Variants in GALNT18 observed in about 807,000 individuals in gnomAD.
The protein encoded by GALNT18 is polypeptide N-acetylgalactosaminyltransferase 18.
A neutral mutation model predicts 69.5 loss-of-function variants in GALNT18; 44 were observed. The ratio of observed to expected loss-of-function variants is 0.63; its 90% CI spans 0.50 to 0.81. GALNT18 has a LOEUF of 0.81. Among genes scored for constraint, GALNT18 ranks in the 40% least tolerant of loss-of-function variants. The pLI is 0.00. For synonymous variants in GALNT18, 364 were observed against 318.2 expected, an observed-to-expected ratio of 1.14 and a Z score of -1.53; for missense variants, 715 against 810.0, an observed-to-expected ratio of 0.88 and a Z score of 1.42.
chr11:11,451,032 A>G (rs138915840), intron 1 of GALNT18, among the ~76,000 whole-genome samples: 1 of 152,326 alleles, frequency 6.6e-6, no homozygotes, highest in East Asian at 1.9e-4. Context: ...TAAAGACATA[A>G]AAGCAAAGTC....
rs1246987535 is a variant in GALNT18 at position 11,583,965 on chromosome 11, C to T, written c.235+37394G>A. The stretch of plus-strand genomic sequence containing the variant: ...CACAAGATGAAAGCACAAGGTCACA[C>T]TCAATGAAATAGAGATGAACTGAAT... On this transcript the variant is annotated intron_variant, in intron 1 of 10. Coordinates refer to ENST00000227756, the MANE Select transcript of GALNT18 (RefSeq NM_198516.3). This position sits in a 1 kb window ranked among gnomAD's most constrained non-coding sequence, Gnocchi z 4.7. 2.0e-5 allele frequency among the ~76,000 whole-genome samples: 3 copies of T among 152,060 alleles called. No individual in the cohort carries two copies. The highest frequency in any genetic ancestry group is 7.2e-5 in the African/African-American group (3 of 41,414).
intron 1 of GALNT18, among the ~76,000 whole-genome samples, chr11:11,557,269 TG>T (rs1858354218): frequency 6.6e-6 from 1 of 152,164 alleles, no homozygotes; most frequent in African/African-American, 2.4e-5. Flanking sequence ...ATGGTTATGG[TG>T]GGTTTTTTAT....
At chr11:11,346,269 T>C (rs1850302034) in intron 6 of GALNT18, among the ~76,000 whole-genome samples, 1 of 152,210 alleles carries the variant, frequency 6.6e-6, no homozygotes, top group Non-Finnish European at 1.5e-5. Context: ...TACCACTGTA[T>C]ACATCAGCAC....
chr11:11,541,862 C>T lies in GALNT18; in HGVS notation c.235+79497G>A, dbSNP rs532566811. On this transcript the variant is annotated intron_variant, in intron 1 of 10. Coordinates refer to ENST00000227756, the MANE Select transcript of GALNT18 (RefSeq NM_198516.3). The surrounding 1 kb of genome is among the most constrained non-coding windows in gnomAD (Gnocchi z 4.8). Reference sequence around the variant, plus strand: ...CCGAAGAGTGAGCAGGTTGCTTTCCCTCAGCCTGGCCACCCTTCCAGAGAG... The same window carrying T: ...CCGAAGAGTGAGCAGGTTGCTTTCCTTCAGCCTGGCCACCCTTCCAGAGAG... 2.6e-5 allele frequency among the ~76,000 whole-genome samples: 4 copies of T among 152,332 alleles called. No homozygotes were observed. The East Asian group carries it at 7.7e-4, about 29-fold the overall frequency.
chr11:11,298,677 G>C (rs560854053), intron 9 of GALNT18, among the ~76,000 whole-genome samples: 3 of 152,366 alleles, frequency 2.0e-5, no homozygotes, highest in African/African-American at 7.2e-5. Flanking sequence ...CCAAGAAGGG[G>C]TCTCAGGGGC....
At chr11:11,310,506 G>A (rs945791790) in intron 9 of GALNT18, among the ~76,000 whole-genome samples, 1 of 152,156 alleles carries the variant, frequency 6.6e-6, no homozygotes, top group Admixed American at 6.5e-5. Flanking sequence ...CAAGAAGCAA[G>A]ACCAGCAAGT....
At chr11:11,460,929 A>G (rs528056255) in intron 1 of GALNT18, among the ~76,000 whole-genome samples, 9 of 152,222 alleles carry the variant, frequency 5.9e-5, no homozygotes, top group African/African-American at 2.2e-4. Context: ...TAGCAATGCA[A>G]AACAGATTAA....
Position 11,436,716 on chromosome 11 carries a change from G to A in GALNT18, c.429-3929C>T, listed in dbSNP as rs576873113. On this transcript the variant is annotated intron_variant, in intron 2 of 10. Transcript: ENST00000227756. This position sits in a 1 kb window ranked among gnomAD's most constrained non-coding sequence, Gnocchi z 4.5. The stretch of plus-strand genomic sequence containing the variant: ...GAAGGGCAGGGGCAAAAAGAGGGAA[G>A]AAGAGCATATCAAGCAAGACATCTA... Among the ~76,000 whole-genome samples the A allele has an allele frequency of 1.2e-4, 18 of 152,240 alleles. No individual in the cohort carries two copies. Among genetic ancestry groups the A allele is most frequent in the Non-Finnish European group, 2.1e-4 (14 of 68,038 alleles).
chr11:11,467,939 C>T (rs1043630256), intron 1 of GALNT18, among the ~76,000 whole-genome samples: 1 of 152,126 alleles, frequency 6.6e-6, no homozygotes, highest in African/African-American at 2.4e-5. Context: ...CCGAGATGTT[C>T]CATCCTAAGA....
At chr11:11,561,970 G>T (rs1858521412) in intron 1 of GALNT18, among the ~76,000 whole-genome samples, 1 of 152,242 alleles carries the variant, frequency 6.6e-6, no homozygotes, top group African/African-American at 2.4e-5. Flanking sequence ...GAAGGGACCT[G>T]CCCACTGTCA....
At chr11:11,424,990 T>G (rs958293193) in intron 3 of GALNT18, among the ~76,000 whole-genome samples, 1 of 152,142 alleles carries the variant, frequency 6.6e-6, no homozygotes. Context: ...TGTGGTCTTC[T>G]GTGGGAGTCA....
rs1042180399 is a variant in GALNT18, at chr11:11,347,329, A to G, written c.1093-6325T>C. 1.3e-5 allele frequency among the ~76,000 whole-genome samples: 2 copies of G among 152,356 alleles called. No individual in the cohort carries two copies. The highest frequency in any genetic ancestry group is 4.1e-4 in the South Asian group (2 of 4,824). On this transcript the variant is annotated intron_variant, in intron 6 of 10. Coordinates refer to ENST00000227756, the MANE Select transcript of GALNT18 (RefSeq NM_198516.3). This position sits in a 1 kb window ranked among gnomAD's most constrained non-coding sequence, Gnocchi z 4.0. Reference sequence around the variant, plus strand: ...ACAAAGCAATGGGATGTAGTTTGATAATCTCTTCTACTCCAAGACTCATGA... The same window carrying G: ...ACAAAGCAATGGGATGTAGTTTGATGATCTCTTCTACTCCAAGACTCATGA...
chr11:11,423,912 C>T (rs180900681), intron 3 of GALNT18, among the ~76,000 whole-genome samples: 4 of 152,368 alleles, frequency 2.6e-5, no homozygotes, highest in Admixed American at 2.6e-4. Flanking sequence ...TAAAATAGCT[C>T]TGGCACATAC....
chr11:11,347,063 C>T lies in GALNT18; in HGVS notation c.1093-6059G>A, dbSNP rs1850316967. On this transcript the variant is annotated intron_variant, in intron 6 of 10. Coordinates refer to ENST00000227756, the MANE Select transcript of GALNT18 (RefSeq NM_198516.3). The surrounding 1 kb of genome is among the most constrained non-coding windows in gnomAD (Gnocchi z 4.0). ...CACTTTCTTATCCCAGGCTGAGGAG[C>T]CACTGGTACAAGGTCAGGGTTACAT... Among the ~76,000 whole-genome samples the T allele has an allele frequency of 6.6e-6, 1 of 152,150 alleles. No homozygotes were observed. The highest frequency in any genetic ancestry group is 1.5e-5 in the Non-Finnish European group (1 of 68,030).
rs559622302 is a variant in GALNT18 at position 11,338,526 on chromosome 11, A to C, written c.1278+2293T>G. ...AGGATGATGTCATTTTCAAACTCAT[A>C]TGTCTGGAAGATGGTGGCACCATGA... On this transcript the variant is annotated intron_variant, in intron 7 of 10. Transcript: ENST00000227756. This position sits in a 1 kb window ranked among gnomAD's most constrained non-coding sequence, Gnocchi z 5.3. Among the ~76,000 whole-genome samples, 2 of 152,182 alleles carry C rather than the reference A, an allele frequency of 1.3e-5. No homozygotes were observed. The highest frequency in any genetic ancestry group is 4.1e-4 in the South Asian group (2 of 4,820).
At chr11:11,324,008 T>C (rs138421695) in intron 9 of GALNT18, among the ~76,000 whole-genome samples, 3 of 152,304 alleles carry the variant, frequency 2.0e-5, no homozygotes, top group Admixed American at 6.5e-5. Flanking sequence ...AGGATTAGCA[T>C]CCTTATAAGA....
intron 1 of GALNT18, among the ~76,000 whole-genome samples, chr11:11,527,851 A>G (rs1035459534): frequency 1.3e-5 from 2 of 152,188 alleles, no homozygotes; most frequent in Admixed American, 1.3e-4. Flanking sequence ...TGTTAAACTC[A>G]GGCACCCTAG....
chr11:11,326,367 TG>T (rs539503498), intron 9 of GALNT18, among the ~76,000 whole-genome samples: 21 of 152,296 alleles, frequency 1.4e-4, no homozygotes, highest in Admixed American at 8.5e-4. Context: ...TAAATCATTG[TG>T]TACTTCTGGA....
At chr11:11,286,502 T>C (rs77825869) in intron 10 of GALNT18, among the ~76,000 whole-genome samples, 9 of 151,648 alleles carry the variant, frequency 5.9e-5, no homozygotes, top group African/African-American at 2.2e-4. Flanking sequence ...CTTTTTTTTT[T>C]CTCCAGTGAG....
Sources: allele counts gnomAD v4.1 joint callset (sites outside exome capture counted in the v4.1 genomes callset), GRCh38; gene constraint gnomAD v4.1.1; non-coding constraint Gnocchi (gnomAD v3.1); transcripts MANE v1.5; gene names NCBI Gene and HGNC (gene_info 2026-07-23, HGNC 2026-07-21).